Variants in UPF2 observed in about 807,000 individuals in gnomAD.
UPF2 encodes the protein regulator of nonsense transcripts 2.
UPF2 carries 17 observed loss-of-function variants against 141.4 expected under a neutral mutation model. The observed-to-expected ratio is 0.12, with a 90% CI of 0.08 to 0.18. The LOEUF (loss-of-function observed/expected upper bound fraction) is 0.18. Ranked by LOEUF, UPF2 falls within the 10% of genes least tolerant of loss-of-function variation. UPF2 has a pLI of 1.00. For missense variants in UPF2, 1,152 were observed against 1,515.9 expected (o/e 0.76, Z 3.99); for synonymous variants, 540 against 498.0 (o/e 1.08, Z -1.12).
intron 16 of UPF2, among the ~76,000 whole-genome samples, chr10:11,945,032 A>C (rs1466316987): frequency 6.6e-6 from 1 of 152,268 alleles, no homozygotes; most frequent in African/African-American, 2.4e-5. Flanking sequence ...TACAGCCCTT[A>C]GGGCAGTAAC....
In UPF2 at chr10:11,932,698, A is replaced by G. The variant is rs79534979; in HGVS notation, c.3547-916T>C. Among the ~76,000 whole-genome samples the G allele has an allele frequency of 7.5e-3, 1,145 of 152,338 alleles. 13 individuals carry two copies. Among genetic ancestry groups the G allele is most frequent in the African/African-American group, 0.026 (1,073 of 41,574 alleles). ...GAGACACACTACTTTATAGCAAATT[A>G]GATGATAAAAATATTGAAGTCACTC... On this transcript the variant is annotated intron_variant, in intron 19 of 21. Coordinates refer to ENST00000357604, the MANE Select transcript of UPF2 (RefSeq NM_015542.4).
chr10:12,002,114 T>C (rs1172914741), intron 5 of UPF2, among the ~76,000 whole-genome samples: 1 of 151,872 alleles, frequency 6.6e-6, no homozygotes, highest in Non-Finnish European at 1.5e-5. Flanking sequence ...CTACTAAAAA[T>C]ACAAAAATTA....
At chr10:12,023,604 C>T (rs1291455001) in intron 3 of UPF2, among the ~76,000 whole-genome samples, 1 of 150,426 alleles carries the variant, frequency 6.6e-6, no homozygotes, top group Non-Finnish European at 1.5e-5. Context: ...GCAAGGGAAT[C>T]GGTTGAACCC....
rs1832625658 is a variant in UPF2, at chr10:11,920,371, A to G, written c.*927T>C. 6.6e-6 allele frequency: 1 copy of G among 152,144 alleles called. No homozygotes were observed. Among genetic ancestry groups the G allele is most frequent in the Non-Finnish European group, 1.5e-5 (1 of 68,030 alleles). 9.4% of individuals were successfully genotyped at this position (152,144 alleles called of 1,614,324 possible). A position where few individuals can be genotyped will look rare whatever the true frequency, so the allele number is the denominator to read the frequency against. On this transcript the variant is annotated 3_prime_UTR_variant, in exon 22 of 22. Transcript: ENST00000357604. ...AAAAAAAAAACAAAACAAAAACAAAAGCAAAATAAAAGCTCTACTTGTTTC... is the reference window on the plus strand; with the variant it reads ...AAAAAAAAAACAAAACAAAAACAAAGGCAAAATAAAAGCTCTACTTGTTTC...
chr10:11,923,593 T>C (rs891275661), intron 21 of UPF2, among the ~76,000 whole-genome samples: 8 of 151,090 alleles, frequency 5.3e-5, no homozygotes, highest in African/African-American at 1.5e-4. Context: ...AGGCAGAGAA[T>C]TGCTTGAACC....
intron 7 of UPF2, among the ~76,000 whole-genome samples, 182 bp from the exon 8 acceptor site, chr10:11,997,939 A>G (rs972453562): frequency 4.6e-5 from 7 of 152,220 alleles, no homozygotes; most frequent in East Asian, 1.9e-4. Flanking sequence ...ATAGTTACCA[A>G]GAGCCAAGAA....
intron 1 of UPF2, among the ~76,000 whole-genome samples, chr10:12,036,420 T>C (rs1291098388): frequency 6.6e-6 from 1 of 152,206 alleles, no homozygotes; most frequent in African/African-American, 2.4e-5. Context: ...TTAAATAAAA[T>C]TTGAAATTCA....
Position 11,979,651 on chromosome 10 carries a change from A to G in UPF2, c.1845-486T>C, listed in dbSNP as rs1487211271. Among the ~76,000 whole-genome samples, 1 of 152,244 alleles carries G rather than the reference A, an allele frequency of 6.6e-6. No homozygotes were observed. ...GCTGGGCGTGGTAGCTCACGCCTGT[A>G]ATCCCAGCACTTTGGGAGGCCGAGG... On this transcript the variant is annotated intron_variant, in intron 8 of 21. Transcript: ENST00000357604. The surrounding 1 kb of genome is among the most constrained non-coding windows in gnomAD (Gnocchi z 6.2).
At chr10:11,937,379 G>A (rs1301446925) in intron 18 of UPF2, among the ~76,000 whole-genome samples, 6 of 152,198 alleles carry the variant, frequency 3.9e-5, no homozygotes, top group African/African-American at 1.4e-4. Context: ...AAACAATGAT[G>A]ATGATACATC....
At chr10:11,989,432 A>G (rs2131246655) in intron 8 of UPF2, among the ~76,000 whole-genome samples, 1 of 152,346 alleles carries the variant, frequency 6.6e-6, no homozygotes, top group African/African-American at 2.4e-5. Context: ...CAGCCTGGGC[A>G]ACATAGCAAG....
At chr10:12,020,023 T>C (rs537022835) in intron 3 of UPF2, among the ~76,000 whole-genome samples, 1 of 151,562 alleles carries the variant, frequency 6.6e-6, no homozygotes, top group African/African-American at 2.4e-5. Context: ...CCACGCCCAG[T>C]TGAATGTTTT....
intron 3 of UPF2, among the ~76,000 whole-genome samples, chr10:12,025,449 G>A (rs952786484): frequency 1.3e-5 from 2 of 152,082 alleles, no homozygotes; most frequent in Non-Finnish European, 2.9e-5. Flanking sequence ...TACTTGGGAA[G>A]CTGAGGTAGG....
intron 12 of UPF2, among the ~76,000 whole-genome samples, chr10:11,958,724 T>C (rs1833193864): frequency 6.6e-6 from 1 of 152,176 alleles, no homozygotes; most frequent in African/African-American, 2.4e-5. Flanking sequence ...TTAACCCCTG[T>C]TGAGAATCTA....
At chr10:11,938,864 T>TTTTG (rs1832894517) in intron 18 of UPF2, among the ~76,000 whole-genome samples, 1 of 81,064 alleles carries the variant, frequency 1.2e-5, no homozygotes, top group Non-Finnish European at 2.4e-5. Context: ...TTTTTTTTTT[T>TTTTG]TTTTTTTTTT....
In UPF2 at chr10:11,931,342, A is replaced by T. The variant is rs919614678; in HGVS notation, c.3688+299T>A. 2.6e-5 allele frequency among the ~76,000 whole-genome samples: 4 copies of T among 152,202 alleles called. No individual in the cohort carries two copies. The highest frequency in any genetic ancestry group is 9.6e-5 in the African/African-American group (4 of 41,452). The stretch of plus-strand genomic sequence containing the variant: ...GCATCCCTGTCATTAAGCAAGGCAT[A>T]CTGTTTGTTAAATGAATCTGCACAC... On this transcript the variant is annotated intron_variant, in intron 20 of 21. Coordinates refer to ENST00000357604, the MANE Select transcript of UPF2 (RefSeq NM_015542.4). This position sits in a 1 kb window ranked among gnomAD's most constrained non-coding sequence, Gnocchi z 5.9.
intron 2 of UPF2, 141 bp from the exon 3 acceptor site, chr10:12,029,665 T>C: frequency 1.0e-6 from 1 of 984,676 alleles, no homozygotes; most frequent in East Asian, 2.8e-5. Flanking sequence ...TCACTACTTT[T>C]AAAGACATTT....
chr10:11,951,405 A>C (rs1327816548), intron 15 of UPF2, among the ~76,000 whole-genome samples: 1 of 152,184 alleles, frequency 6.6e-6, no homozygotes, highest in Non-Finnish European at 1.5e-5. Flanking sequence ...ACATGCTAAG[A>C]ACTATCAGCA....
At chr10:12,012,203 C>T (rs1041690664) in intron 4 of UPF2, among the ~76,000 whole-genome samples, 2 of 151,002 alleles carry the variant, frequency 1.3e-5, no homozygotes, top group African/African-American at 2.4e-5. Flanking sequence ...GCTGGGATTA[C>T]AGGCGCACAC....
chr10:11,950,658 G>T (rs1410648673), intron 15 of UPF2, among the ~76,000 whole-genome samples: 1 of 152,172 alleles, frequency 6.6e-6, no homozygotes. Context: ...TACCATTCAT[G>T]CAGGTTTTTG....
Sources: gnomAD v4.1 joint callset for allele counts (sites outside exome capture counted in the v4.1 genomes callset) on GRCh38, gnomAD v4.1.1 for gene constraint, Gnocchi (gnomAD v3.1) non-coding constraint, MANE v1.5 for transcripts, NCBI Gene and HGNC (gene_info 2026-07-23, HGNC 2026-07-21) for gene names.